The following CSMD1 variants were observed in gnomAD, a reference collection of about 807,000 sequenced individuals.
The protein encoded by CSMD1 is CUB and sushi domain-containing protein 1.
CSMD1 carries 213 observed loss-of-function variants against 417.5 expected under a neutral mutation model. The observed-to-expected ratio is 0.51, with a 90% CI of 0.46 to 0.57. The LOEUF is 0.57. Ranked by LOEUF, CSMD1 falls within the 20% of genes least tolerant of loss-of-function variation. The probability of loss-of-function intolerance (pLI) is 0.00; values close to 1 mark genes in which losing one functional copy is unlikely to be tolerated. For synonymous variants in CSMD1, 2,862 were observed against 1,736.8 expected (o/e 1.65, Z -16.11); for missense variants, 6,923 against 4,529.7 (o/e 1.53, Z -15.17).
chr8:4,148,766 C>G (rs1027378517), intron 3 of CSMD1, among the ~76,000 whole-genome samples: 1 of 152,110 alleles, frequency 6.6e-6, no homozygotes, highest in African/African-American at 2.4e-5. Flanking sequence ...CTAATGCCAT[C>G]ACCCTGAGTT....
chr8:3,456,814 G>A (rs1456939173), intron 12 of CSMD1, among the ~76,000 whole-genome samples: 1 of 152,084 alleles, frequency 6.6e-6, no homozygotes, highest in African/African-American at 2.4e-5. Flanking sequence ...CTAAAGGCCA[G>A]GGGTATTCAG....
intron 29 of CSMD1, 126 bp downstream of exon 29, chr8:3,219,129 G>A: frequency 1.4e-6 from 1 of 709,614 alleles, no homozygotes; most frequent in East Asian, 2.9e-5. Flanking sequence ...TATCTTCCCA[G>A]ACAGAGGAGA....
chr8:3,549,595 G>C (rs1251125319), intron 10 of CSMD1, among the ~76,000 whole-genome samples: 1 of 152,190 alleles, frequency 6.6e-6, no homozygotes, highest in Admixed American at 6.5e-5. Flanking sequence ...CTGGATTATT[G>C]TGAGAGTGTG....
intron 2 of CSMD1, among the ~76,000 whole-genome samples, chr8:4,509,496 C>T (rs1038753438): frequency 8.5e-5 from 13 of 152,148 alleles, no homozygotes; most frequent in African/African-American, 1.9e-4. Context: ...TCTTACTAGA[C>T]GCTGTCTACG....
At chr8:3,283,801 G>C (rs1023350251) in intron 26 of CSMD1, among the ~76,000 whole-genome samples, 1 of 152,160 alleles carries the variant, frequency 6.6e-6, no homozygotes, top group African/African-American at 2.4e-5. Context: ...CTATCTTTTC[G>C]TCCTCTAATC....
At chr8:4,900,437 C>A (rs1013395748) in intron 1 of CSMD1, among the ~76,000 whole-genome samples, 1 of 152,198 alleles carries the variant, frequency 6.6e-6, no homozygotes, top group Non-Finnish European at 1.5e-5. Context: ...GATGCAGCCT[C>A]CTAAATAACA....
At chr8:3,160,003 G>A (rs1309521202) in intron 38 of CSMD1, among the ~76,000 whole-genome samples, 2 of 152,144 alleles carry the variant, frequency 1.3e-5, no homozygotes, top group Non-Finnish European at 2.9e-5. Context: ...GAGGAAACAT[G>A]ATATTTACCT....
At chr8:3,643,532 C>G (rs1007866458) in intron 7 of CSMD1, among the ~76,000 whole-genome samples, 1 of 151,830 alleles carries the variant, frequency 6.6e-6, no homozygotes, top group Non-Finnish European at 1.5e-5. Context: ...GAAATCCAGT[C>G]TCTACTAAAA....
At chr8:4,811,231 C>T (rs1339838953) in intron 1 of CSMD1, among the ~76,000 whole-genome samples, 2 of 152,086 alleles carry the variant, frequency 1.3e-5, no homozygotes, top group Non-Finnish European at 2.9e-5. Context: ...AACAAGAGAA[C>T]TGAAGACAAT....
intron 3 of CSMD1, among the ~76,000 whole-genome samples, chr8:4,328,864 G>A (rs1477998627): frequency 6.6e-6 from 1 of 152,182 alleles, no homozygotes; most frequent in Non-Finnish European, 1.5e-5. Context: ...AATTATAACT[G>A]AAACTCATAA....
chr8:2,983,382 T>G lies in CSMD1; in HGVS notation c.8378-4582A>C, dbSNP rs192294572. Among the ~76,000 whole-genome samples the G allele has an allele frequency of 3.6e-4, 55 of 152,176 alleles. 1 individual carries two copies. Among genetic ancestry groups the G allele is most frequent in the East Asian group, 1.9e-3 (10 of 5,166 alleles). On this transcript the variant is annotated intron_variant, in intron 54 of 69. Coordinates refer to ENST00000635120, the MANE Select transcript of CSMD1 (RefSeq NM_033225.6). ...TTTGTATTTTTAGTAGAGACAGAGT[T>G]TCACTGTATTAGCCAGGATGGTCTC...
chr8:4,000,875 T>C lies in CSMD1; in HGVS notation c.611-2765A>G, dbSNP rs568560762. The stretch of plus-strand genomic sequence containing the variant: ...ACCTTTATTACCTAAGAAGATAAAA[T>C]ATCATAGATGTGTGGAATTAAAAGA... On this transcript the variant is annotated intron_variant, in intron 4 of 69. Coordinates refer to ENST00000635120, the MANE Select transcript of CSMD1 (RefSeq NM_033225.6). Among the ~76,000 whole-genome samples, 277 of 152,150 alleles carry C rather than the reference T, an allele frequency of 1.8e-3. 2 individuals carry two copies. The highest frequency in any genetic ancestry group is 1.6e-3 in the Non-Finnish European group (112 of 67,984).
At chr8:4,290,855 C>A (rs923830638) in intron 3 of CSMD1, among the ~76,000 whole-genome samples, 3 of 152,128 alleles carry the variant, frequency 2.0e-5, no homozygotes, top group African/African-American at 7.2e-5. Context: ...AAATATCCAT[C>A]TGTTTCTTGT....
At chr8:3,598,422 T>C (rs1801195139) in intron 8 of CSMD1, 1 of 152,130 alleles carries the variant, frequency 6.6e-6, no homozygotes, top group Non-Finnish European at 1.5e-5. Context: ...CAGGGAAAGA[T>C]TTTCCCTCAG....
At chr8:3,318,080 C>G (rs1001720624) in intron 23 of CSMD1, among the ~76,000 whole-genome samples, 1 of 152,202 alleles carries the variant, frequency 6.6e-6, no homozygotes, top group Non-Finnish European at 1.5e-5. Context: ...GGATTACAAG[C>G]GTGACCTATC....
chr8:2,946,114 T>C (rs1802215056), intron 68 of CSMD1, among the ~76,000 whole-genome samples: 1 of 152,208 alleles, frequency 6.6e-6, no homozygotes, highest in African/African-American at 2.4e-5. Flanking sequence ...CACCGTGCAC[T>C]ATGACATTAT....
intron 25 of CSMD1, among the ~76,000 whole-genome samples, chr8:3,305,129 C>A: frequency 6.6e-6 from 1 of 152,154 alleles, no homozygotes; most frequent in East Asian, 1.9e-4. Flanking sequence ...CATCCTCTTG[C>A]TTCATCCCCT....
intron 3 of CSMD1, among the ~76,000 whole-genome samples, chr8:4,211,955 A>G (rs1253671521): frequency 1.3e-5 from 2 of 152,168 alleles, no homozygotes; most frequent in African/African-American, 2.4e-5. Context: ...CTGTATTCCT[A>G]TCTTAGAGAC....
At chr8:4,461,906 A>C (rs1364653120) in intron 2 of CSMD1, among the ~76,000 whole-genome samples, 1 of 151,660 alleles carries the variant, frequency 6.6e-6, no homozygotes, top group Non-Finnish European at 1.5e-5. Flanking sequence ...ACGCCCGGCT[A>C]ATTTTTCTGT....
Sources: allele counts gnomAD v4.1 joint callset (sites outside exome capture counted in the v4.1 genomes callset), GRCh38; gene constraint gnomAD v4.1.1; transcripts MANE v1.5; gene names NCBI Gene and HGNC (gene_info 2026-07-23, HGNC 2026-07-21).